The following FGGY variants were observed in gnomAD, a reference collection of about 807,000 sequenced individuals.
FGGY encodes the protein FGGY carbohydrate kinase domain-containing protein.
Under a neutral mutation model 71.3 loss-of-function variants are expected in FGGY, and 72 were observed. The observed-to-expected ratio is 1.01, with a 90% CI of 0.84 to 1.23. FGGY has a LOEUF of 1.23. Among genes scored for constraint, FGGY ranks in the 50% most tolerant of loss-of-function variants. The pLI is 0.00. For missense variants in FGGY, 668 were observed against 682.3 expected (o/e 0.98, Z 0.23); for synonymous variants, 251 against 250.3 (o/e 1.00, Z -0.02).
chr1:59,472,679 G>C (rs569076071), intron 6 of FGGY, among the ~76,000 whole-genome samples: 7 of 152,308 alleles, frequency 4.6e-5, no homozygotes, highest in African/African-American at 1.7e-4. Flanking sequence ...CAGGGTTTGC[G>C]AATGCACCAG....
In FGGY at chr1:59,667,319, G is replaced by A. The variant is rs772980017; in HGVS notation, c.1333G>A (p.Ala445Thr). ...CTTCATTATAGAAGCCATGGAGGCAGCAGGGCACTCAATCAGTACTCTTTT... is the reference window on the plus strand; with the variant it reads ...CTTCATTATAGAAGCCATGGAGGCAACAGGGCACTCAATCAGTACTCTTTT... ...TRFIIEAMEA[A>T]GHSISTLFLC... The change falls in exon 13 of 16, where the codon GCA becomes ACA. Residue 445 changes from alanine (A) to threonine (T), a missense_variant. By Grantham distance (58) the Ala-to-Thr change is moderately conservative. Around this residue, in one of 2 missense-constraint regions of FGGY, gnomAD observed 661 missense variants for 661.6 expected, o/e 1.00. Transcript: ENST00000303721. 1.9e-6 allele frequency: 3 copies of A among 1,614,176 alleles called. No homozygotes were observed. Among genetic ancestry groups the A allele is most frequent in the Non-Finnish European group, 1.7e-6 (2 of 1,180,002 alleles).
chr1:59,685,390 T>C (rs2097536266), intron 14 of FGGY, among the ~76,000 whole-genome samples: 1 of 152,000 alleles, frequency 6.6e-6, no homozygotes, highest in South Asian at 2.1e-4. Context: ...GCAGTTTTGA[T>C]TAGTGAACAG....
intron 14 of FGGY, among the ~76,000 whole-genome samples, chr1:59,682,663 G>A (rs1327978316): frequency 1.3e-5 from 2 of 152,168 alleles, no homozygotes; most frequent in Admixed American, 1.3e-4. Flanking sequence ...ACCATTGGCT[G>A]GAATCAGAAT....
chr1:59,626,814 C>T (rs998281855), intron 10 of FGGY: 1 of 151,372 alleles, frequency 6.6e-6, no homozygotes, highest in African/African-American at 2.4e-5. Flanking sequence ...GAGATCGTGC[C>T]ACTGCACTCC....
intron 14 of FGGY, among the ~76,000 whole-genome samples, chr1:59,694,124 C>T (rs1415303591): frequency 1.3e-5 from 2 of 151,038 alleles, no homozygotes; most frequent in Admixed American, 1.3e-4. Flanking sequence ...CCCATCTCTA[C>T]TAAAAATACA....
chr1:59,522,489 A>T (rs761870373), intron 7 of FGGY, among the ~76,000 whole-genome samples: 1 of 152,208 alleles, frequency 6.6e-6, no homozygotes, highest in Non-Finnish European at 1.5e-5. Context: ...GGTTCCATCA[A>T]TCATGGGGAA....
chr1:59,629,224 T>TAATA (rs1553350679), intron 10 of FGGY, among the ~76,000 whole-genome samples: 7 of 151,872 alleles, frequency 4.6e-5, no homozygotes, highest in African/African-American at 1.2e-4. Context: ...AATGAATAAA[T>TAATA]AATAAATAAA....
intron 1 of FGGY, among the ~76,000 whole-genome samples, chr1:59,311,228 TAACA>T (rs1431985740): frequency 6.6e-6 from 1 of 152,124 alleles, no homozygotes; most frequent in Non-Finnish European, 1.5e-5. Context: ...CTCTGGCTGA[TAACA>T]AACCTGAAAT....
intron 5 of FGGY, among the ~76,000 whole-genome samples, chr1:59,417,568 C>T (rs1389217105): frequency 1.3e-5 from 2 of 152,176 alleles, no homozygotes; most frequent in African/African-American, 4.8e-5. Context: ...CTGGTAGGAA[C>T]ATGTAAGGAT....
chr1:59,704,167 C>T (rs182000997), intron 14 of FGGY, among the ~76,000 whole-genome samples: 6 of 152,194 alleles, frequency 3.9e-5, no homozygotes, highest in South Asian at 4.2e-4. Flanking sequence ...GAGAGAAAGG[C>T]GGATTCCAGC....
At chr1:59,660,087 T>C (rs2097260264) in intron 11 of FGGY, 132 bp from the exon 12 acceptor site, 5 of 734,146 alleles carry the variant, frequency 6.8e-6, no homozygotes, top group South Asian at 1.8e-5. Context: ...CACGTTCCGC[T>C]CACAAAAAGG....
intron 5 of FGGY, among the ~76,000 whole-genome samples, chr1:59,381,799 T>C (rs915370530): frequency 6.6e-6 from 1 of 152,192 alleles, no homozygotes; most frequent in African/African-American, 2.4e-5. Context: ...TGTAGAAGTA[T>C]ATATGTTGAA....
At chr1:59,436,666 G>A (rs1157850941) in intron 5 of FGGY, among the ~76,000 whole-genome samples, 1 of 152,156 alleles carries the variant, frequency 6.6e-6, no homozygotes, top group Non-Finnish European at 1.5e-5. Context: ...TCCCTTCTCT[G>A]GGAAATTTCA....
chr1:59,381,582 T>C (rs1295559133), intron 5 of FGGY, among the ~76,000 whole-genome samples: 1 of 151,988 alleles, frequency 6.6e-6, no homozygotes, highest in Non-Finnish European at 1.5e-5. Flanking sequence ...CACTGTCATA[T>C]ATGCAGTCTG....
chr1:59,389,990 G>T (rs978732625), intron 5 of FGGY, among the ~76,000 whole-genome samples: 2 of 152,264 alleles, frequency 1.3e-5, no homozygotes, highest in Admixed American at 6.5e-5. Flanking sequence ...TGTGCTTGAT[G>T]CTAAAGCTCC....
At chr1:59,669,723 A>G (rs949348400) in intron 13 of FGGY, among the ~76,000 whole-genome samples, 10 of 151,926 alleles carry the variant, frequency 6.6e-5, no homozygotes, top group African/African-American at 2.4e-4. Flanking sequence ...ATAGCCAAAA[A>G]ACTTCCTATC....
chr1:59,554,786 C>T (rs2095659428), intron 8 of FGGY, among the ~76,000 whole-genome samples: 1 of 152,130 alleles, frequency 6.6e-6, no homozygotes, highest in Non-Finnish European at 1.5e-5. Flanking sequence ...AGTGCCTGCC[C>T]TAAAATTTAT....
chr1:59,506,729 G>A (rs967280016), intron 6 of FGGY, among the ~76,000 whole-genome samples: 1 of 152,162 alleles, frequency 6.6e-6, no homozygotes, highest in African/African-American at 2.4e-5. Flanking sequence ...AACCTGGGAG[G>A]CAGAGGTTGT....
chr1:59,505,824 G>T (rs1215480925), intron 6 of FGGY, among the ~76,000 whole-genome samples: 1 of 152,164 alleles, frequency 6.6e-6, no homozygotes, highest in Non-Finnish European at 1.5e-5. Flanking sequence ...GTCTGAAACT[G>T]TTCCCAAAGT....
Sources: gnomAD v4.1 joint callset for allele counts (sites outside exome capture counted in the v4.1 genomes callset) on GRCh38, gnomAD v4.1.1 for gene constraint, gnomAD v4.1.1 regional missense constraint, MANE v1.5 for transcripts, NCBI Gene and HGNC (gene_info 2026-07-23, HGNC 2026-07-21) for gene names.